The following NR6A1 variants were observed in gnomAD, a reference collection of about 807,000 sequenced individuals.
NR6A1 encodes the protein retinoic acid receptor-related testis-associated receptor.
In NR6A1, 7 loss-of-function variants were observed where a neutral mutation model predicts 59.1. The ratio of observed to expected loss-of-function variants is 0.12; its 90% CI spans 0.07 to 0.22. The LOEUF (loss-of-function observed/expected upper bound fraction) is 0.22, where lower values mean the gene tolerates loss of function less well. NR6A1 is among the 10% of genes least tolerant of loss of function. The probability of loss-of-function intolerance (pLI) is 1.00; values close to 1 mark genes in which losing one functional copy is unlikely to be tolerated. For synonymous variants in NR6A1, 243 were observed against 236.1 expected (o/e 1.03, Z -0.27); for missense variants, 468 against 611.6 (o/e 0.77, Z 2.48).
intron 2 of NR6A1, among the ~76,000 whole-genome samples, chr9:124,605,547 AC>A (rs1425420230): frequency 4.6e-4 from 70 of 152,312 alleles, no homozygotes; most frequent in Admixed American, 2.7e-3. Flanking sequence ...GCATCACTGC[AC>A]TCCAGCCTGG....
At chr9:124,704,688 A>C (rs991520271) in intron 2 of NR6A1, among the ~76,000 whole-genome samples, 1 of 152,128 alleles carries the variant, frequency 6.6e-6, no homozygotes, top group East Asian at 1.9e-4. Flanking sequence ...GCACAGCTTC[A>C]GCTACATTTC....
intron 1 of NR6A1, among the ~76,000 whole-genome samples, chr9:124,751,639 C>A (rs1000446642): frequency 1.3e-5 from 2 of 152,156 alleles, no homozygotes; most frequent in African/African-American, 4.8e-5. Context: ...GTGTGCCATA[C>A]ACTACATGAG....
intron 2 of NR6A1, among the ~76,000 whole-genome samples, chr9:124,589,033 A>G (rs1316312140): frequency 6.6e-6 from 1 of 152,116 alleles, no homozygotes; most frequent in Non-Finnish European, 1.5e-5. Context: ...AGTGACAGGA[A>G]AAGACACTCA....
At chr9:124,634,585 G>C (rs990724910) in intron 2 of NR6A1, among the ~76,000 whole-genome samples, 24 of 152,090 alleles carry the variant, frequency 1.6e-4, no homozygotes, top group Non-Finnish European at 1.8e-4. Context: ...ACTTTGGGAG[G>C]CCAAGGCAGG....
intron 2 of NR6A1, among the ~76,000 whole-genome samples, chr9:124,720,638 A>G (rs2131094971): frequency 6.6e-6 from 1 of 152,318 alleles, no homozygotes; most frequent in South Asian, 2.1e-4. Context: ...CAAATACTGG[A>G]CCAAAATAAA....
intron 2 of NR6A1, among the ~76,000 whole-genome samples, chr9:124,629,305 G>A (rs529158393): frequency 1.2e-4 from 19 of 152,320 alleles, no homozygotes; most frequent in Admixed American, 8.5e-4. Context: ...GAAACCAGCT[G>A]TAAAGTGAGA....
rs917567609 is a variant in NR6A1 at position 124,584,673 on chromosome 9, T to C, written c.143-30103A>G. 2.6e-5 allele frequency among the ~76,000 whole-genome samples: 4 copies of C among 152,204 alleles called. No individual in the cohort carries two copies. The East Asian group carries it at 5.8e-4, about 22-fold the overall frequency. On this transcript the variant is annotated intron_variant, in intron 2 of 9. Coordinates refer to ENST00000487099, the MANE Select transcript of NR6A1 (RefSeq NM_033334.4). The stretch of plus-strand genomic sequence containing the variant: ...TAATCGAAAAATGTTGTATGTGTTC[T>C]GACTGCTCCACTGACCAGCCATTCC...
intron 1 of NR6A1, among the ~76,000 whole-genome samples, chr9:124,744,108 C>T (rs939065595): frequency 6.6e-6 from 1 of 152,108 alleles, no homozygotes; most frequent in African/African-American, 2.4e-5. Flanking sequence ...GGCGTGGTGG[C>T]ATGCACCTAT....
intron 2 of NR6A1, among the ~76,000 whole-genome samples, chr9:124,568,019 C>T (rs1229825274): frequency 6.7e-6 from 1 of 150,082 alleles, no homozygotes; most frequent in African/African-American, 2.4e-5. Context: ...ACTAAAAATA[C>T]AAAAATTAGC....
At chr9:124,680,810 CTATTTCTA>C (rs1244527992) in intron 2 of NR6A1, among the ~76,000 whole-genome samples, 3 of 152,176 alleles carry the variant, frequency 2.0e-5, no homozygotes, top group African/African-American at 2.4e-5. Context: ...AAAGTCAAAA[CTATTTCTA>C]TACTAACTCT....
At chr9:124,649,268 G>A (rs7048297) in intron 2 of NR6A1, among the ~76,000 whole-genome samples, 3,292 of 140,388 alleles carry the variant, frequency 0.023, 108 homozygotes, top group East Asian at 0.097. Flanking sequence ...CACATAGACC[G>A]ATGGAACAGA....
intron 2 of NR6A1, chr9:124,598,819 T>TTC (rs1220403031): frequency 3.7e-6 from 3 of 801,482 alleles, no homozygotes; most frequent in African/African-American, 3.4e-5. Context: ...ATCTTTTCTT[T>TTC]TCTCTCTCTC....
chr9:124,665,474 C>A (rs1011662479), intron 2 of NR6A1, among the ~76,000 whole-genome samples: 3 of 152,140 alleles, frequency 2.0e-5, no homozygotes, highest in South Asian at 2.1e-4. Flanking sequence ...CTATGGTAAA[C>A]CACTCTCTCA....
chr9:124,598,959 C>A, intron 2 of NR6A1: 1 of 714,272 alleles, frequency 1.4e-6, no homozygotes, highest in South Asian at 1.4e-5. Context: ...TCATTACCCA[C>A]GTTGGGTTTC....
rs547377358 is a variant in NR6A1 at position 124,540,396 on chromosome 9, A to C, written c.442-209T>G. On this transcript the variant is annotated intron_variant, in intron 4 of 9. Coordinates refer to ENST00000487099, the MANE Select transcript of NR6A1 (RefSeq NM_033334.4). ...GCCCTTCGTGGCCTTCCTCCTGCTC[A>C]TTTACACTACTCTCAAGCCGTGAAG... Among the ~76,000 whole-genome samples the C allele has an allele frequency of 2.0e-5, 3 of 152,046 alleles. No homozygotes were observed. In the South Asian group the frequency reaches 6.2e-4, roughly 32 times the overall value.
chr9:124,771,280 C>A lies in NR6A1; in HGVS notation c.-161G>T, dbSNP rs950293113. 1.5e-5 allele frequency: 6 copies of A among 392,336 alleles called. No homozygotes were observed. The highest frequency in any genetic ancestry group is 2.2e-5 in the Non-Finnish European group (5 of 224,380). 24.3% of individuals were successfully genotyped at this position (392,336 alleles called of 1,614,324 possible). On this transcript the variant is annotated 5_prime_UTR_variant, in exon 1 of 10. Coordinates refer to ENST00000487099, the MANE Select transcript of NR6A1 (RefSeq NM_033334.4). ...CGAGCCGCCCGGCTCCGCGCCGCTC[C>A]GCGCCCCTCCGCGCCGCGCCCCCTC...
intron 2 of NR6A1, among the ~76,000 whole-genome samples, chr9:124,637,344 T>C (rs1298190929): frequency 2.0e-5 from 3 of 152,180 alleles, no homozygotes; most frequent in African/African-American, 7.2e-5. Flanking sequence ...GGAAAGGTCT[T>C]ATATACCAGG....
At chr9:124,662,708 C>T (rs1467654112) in intron 2 of NR6A1, among the ~76,000 whole-genome samples, 1 of 152,176 alleles carries the variant, frequency 6.6e-6, no homozygotes. Context: ...AACATTTGGA[C>T]AGGAGATTGC....
chr9:124,753,349 C>T (rs1204475845), intron 1 of NR6A1, among the ~76,000 whole-genome samples: 2 of 152,072 alleles, frequency 1.3e-5, no homozygotes, highest in Non-Finnish European at 2.9e-5. Context: ...TTACTTTCTA[C>T]TTGTGGCAAA....
Sources: allele counts gnomAD v4.1 joint callset (sites outside exome capture counted in the v4.1 genomes callset), GRCh38; gene constraint gnomAD v4.1.1; transcripts MANE v1.5; gene names NCBI Gene and HGNC (gene_info 2026-07-23, HGNC 2026-07-21).